The following VRK1 variants were observed in gnomAD, a reference collection of about 807,000 sequenced individuals.
The protein encoded by VRK1 is VRK serine/threonine kinase 1.
VRK1 carries 33 observed loss-of-function variants against 57.1 expected under a neutral mutation model. That is an observed-to-expected ratio of 0.58 (90% CI 0.44 to 0.77). The LOEUF (loss-of-function observed/expected upper bound fraction) is 0.77. Among genes scored for constraint, VRK1 ranks in the 30% least tolerant of loss-of-function variants. VRK1 has a pLI of 0.00. For synonymous variants in VRK1, 137 were observed against 147.8 expected (o/e 0.93, Z 0.53); for missense variants, 413 against 477.3 (o/e 0.87, Z 1.25).
Position 96,881,260 on chromosome 14 carries a change from T to A in VRK1, c.*52T>A. ...TTTCTTTGTTTTCTTTTGACTTTTTTCTCCTTTTCTATTTGAACTGTTTTA... is the reference window on the plus strand; with the variant it reads ...TTTCTTTGTTTTCTTTTGACTTTTTACTCCTTTTCTATTTGAACTGTTTTA... On this transcript the variant is annotated 3_prime_UTR_variant, in exon 13 of 13. Coordinates refer to ENST00000216639, the MANE Select transcript of VRK1 (RefSeq NM_003384.3). 6.6e-7 allele frequency: 1 copy of A among 1,512,764 alleles called. No individual in the cohort carries two copies. The highest frequency in any genetic ancestry group is 1.2e-5 in the South Asian group (1 of 83,794). 93.7% of individuals were successfully genotyped at this position (1,512,764 alleles called of 1,614,324 possible).
chr14:96,838,942 G>T (rs1258179048), intron 3 of VRK1, among the ~76,000 whole-genome samples: 7 of 152,090 alleles, frequency 4.6e-5, no homozygotes, highest in Non-Finnish European at 1.0e-4. Context: ...ACAGTTTGAA[G>T]ACTTTTGACA....
At chr14:96,814,678 G>T (rs1886326239) in intron 1 of VRK1, among the ~76,000 whole-genome samples, 3 of 152,062 alleles carry the variant, frequency 2.0e-5, no homozygotes, top group African/African-American at 4.8e-5. Context: ...GCTCCCAGGG[G>T]TGCAGTCATA....
chr14:96,821,555 G>A (rs1886598239), intron 1 of VRK1, among the ~76,000 whole-genome samples: 1 of 152,154 alleles, frequency 6.6e-6, no homozygotes, highest in Admixed American at 6.5e-5. Context: ...ATTCAGTAAA[G>A]ATAAATGCAA....
At chr14:96,819,429 C>T (rs577238884) in intron 1 of VRK1, among the ~76,000 whole-genome samples, 2 of 152,274 alleles carry the variant, frequency 1.3e-5, no homozygotes, top group East Asian at 3.9e-4. Context: ...TCAGTCTGTG[C>T]ATCACAGTAC....
At chr14:96,840,205 A>G (rs1887398937) in intron 3 of VRK1, among the ~76,000 whole-genome samples, 1 of 152,086 alleles carries the variant, frequency 6.6e-6, no homozygotes, top group South Asian at 2.1e-4. Context: ...TCTCTAGGGG[A>G]AAAAAGCCAG....
At chr14:96,841,281 TA>T (rs1763658544) in intron 3 of VRK1, among the ~76,000 whole-genome samples, 1 of 152,230 alleles carries the variant, frequency 6.6e-6, no homozygotes. Context: ...AATGTAACTT[TA>T]CTTTTACTGC....
chr14:96,828,644 G>A (rs964043872), intron 1 of VRK1, among the ~76,000 whole-genome samples: 4 of 151,092 alleles, frequency 2.6e-5, no homozygotes, highest in Non-Finnish European at 5.9e-5. Context: ...ATAGAATTCA[G>A]CAGCACACTA....
At chr14:96,854,021 G>A (rs941132329) in intron 7 of VRK1, among the ~76,000 whole-genome samples, 3 of 151,084 alleles carry the variant, frequency 2.0e-5, no homozygotes, top group Admixed American at 6.6e-5. Context: ...TTTTTCTGTC[G>A]TCTCGTATTT....
chr14:96,845,687 G>A (rs977136422), intron 3 of VRK1, among the ~76,000 whole-genome samples: 3 of 152,240 alleles, frequency 2.0e-5, no homozygotes, highest in African/African-American at 7.2e-5. Context: ...TGGGATTTTG[G>A]CATTAATTGG....
At chr14:96,836,844 G>C (rs1284223338) in intron 2 of VRK1, among the ~76,000 whole-genome samples, 1 of 152,000 alleles carries the variant, frequency 6.6e-6, no homozygotes, top group Non-Finnish European at 1.5e-5. Flanking sequence ...CAGGGTCTTG[G>C]TGCTGTTCTC....
intron 11 of VRK1, among the ~76,000 whole-genome samples, chr14:96,873,544 A>G (rs2139841454): frequency 6.6e-6 from 1 of 152,330 alleles, no homozygotes; most frequent in East Asian, 1.9e-4. Flanking sequence ...ATTAAACGCA[A>G]AGGCACCTGT....
In VRK1 at chr14:96,805,887, A is replaced by G. The variant is rs550828752; in HGVS notation, c.-6+8440A>G. 2.6e-5 allele frequency among the ~76,000 whole-genome samples: 4 copies of G among 152,082 alleles called. No individual in the cohort carries two copies. The South Asian group carries it at 8.3e-4, about 32-fold the overall frequency. On this transcript the variant is annotated intron_variant, in intron 1 of 12. Coordinates refer to ENST00000216639, the MANE Select transcript of VRK1 (RefSeq NM_003384.3). ...AACTTCCTTATTCTGATTCTTTTCT[A>G]CTTGTCTAGATCTTTTTTTCCACTG...
intron 5 of VRK1, 151 bp from the exon 6 acceptor site, chr14:96,852,680 G>C: frequency 2.9e-6 from 2 of 682,100 alleles, no homozygotes; most frequent in Non-Finnish European, 5.2e-6. Context: ...ATTTCTAGTT[G>C]GGAGAAATTG....
intron 5 of VRK1, among the ~76,000 whole-genome samples, chr14:96,848,514 T>G (rs565002233): frequency 2.1e-4 from 32 of 152,328 alleles, no homozygotes; most frequent in African/African-American, 7.2e-4. Flanking sequence ...TGTTGTTTAC[T>G]TGGGATCCAT....
intron 5 of VRK1, among the ~76,000 whole-genome samples, chr14:96,851,604 T>C (rs951679847): frequency 1.3e-5 from 2 of 152,244 alleles, no homozygotes; most frequent in Admixed American, 1.3e-4. Context: ...TCTTTTAATG[T>C]TAGTCAACTC....
chr14:96,817,313 CTTTAGTCA>C (rs1273877347), intron 1 of VRK1, among the ~76,000 whole-genome samples: 3 of 151,672 alleles, frequency 2.0e-5, no homozygotes, highest in Non-Finnish European at 4.4e-5. Context: ...GAAAATTTGC[CTTTAGTCA>C]TATGTTTTGC....
intron 10 of VRK1, among the ~76,000 whole-genome samples, chr14:96,857,782 C>A (rs1199578375): frequency 1.3e-5 from 2 of 152,138 alleles, no homozygotes; most frequent in East Asian, 3.9e-4. Flanking sequence ...AAATTGCAAC[C>A]TACTCCCCAT....
chr14:96,874,631 AT>A (rs1566720930), intron 11 of VRK1, among the ~76,000 whole-genome samples: 3 of 152,178 alleles, frequency 2.0e-5, no homozygotes, highest in Non-Finnish European at 2.9e-5. Flanking sequence ...TCAAGTTGTT[AT>A]TTTTGTATGT....
At chr14:96,859,185 C>G (rs1309571103) in intron 10 of VRK1, among the ~76,000 whole-genome samples, 2 of 152,080 alleles carry the variant, frequency 1.3e-5, no homozygotes, top group African/African-American at 4.8e-5. Context: ...TTGCTTTTTG[C>G]TGGTATATAG....
Sources: allele counts gnomAD v4.1 joint callset (sites outside exome capture counted in the v4.1 genomes callset), GRCh38; gene constraint gnomAD v4.1.1; transcripts MANE v1.5; gene names NCBI Gene and HGNC (gene_info 2026-07-23, HGNC 2026-07-21).